STK32A: variants seen among roughly 807,000 people sequenced by gnomAD.
STK32A encodes serine/threonine-protein kinase 32A.
STK32A carries 41 observed loss-of-function variants against 53.2 expected under a neutral mutation model. The ratio of observed to expected loss-of-function variants is 0.77; its 90% CI spans 0.60 to 1.00. The LOEUF (loss-of-function observed/expected upper bound fraction) is 1.00, where lower values mean the gene tolerates loss of function less well. Ranked by LOEUF, STK32A falls within the 50% of genes least tolerant of loss-of-function variation. The pLI is 0.00. For missense variants in STK32A, 458 were observed against 485.8 expected, an observed-to-expected ratio of 0.94 and a Z score of 0.54; for synonymous variants, 166 against 162.8, an observed-to-expected ratio of 1.02 and a Z score of -0.15.
At position 147,306,692 on chromosome 5, in the gene STK32A, A is replaced by G. The variant is rs1195464912; in HGVS notation, c.261-17206A>G. Among the ~76,000 whole-genome samples the G allele has an allele frequency of 2.0e-5, 3 of 152,084 alleles. No individual in the cohort carries two copies. The East Asian group carries it at 5.8e-4, about 29-fold the overall frequency. ...CTTGCTTACATATAAAGGTATAATA[A>G]ATTTTAAATCTTCTGCTCAGATAAA... is the stretch of plus-strand genomic sequence containing the variant. On this transcript the variant is annotated intron_variant, in intron 4 of 12. Transcript: ENST00000397936.
chr5:147,286,424 A>C (rs1752342220), intron 4 of STK32A, among the ~76,000 whole-genome samples: 1 of 152,114 alleles, frequency 6.6e-6, no homozygotes, highest in African/African-American at 2.4e-5. Flanking sequence ...CTTATGGAAA[A>C]ATAATCCAGC....
At chr5:147,301,341 C>G (rs1240503689) in intron 4 of STK32A, among the ~76,000 whole-genome samples, 1 of 151,922 alleles carries the variant, frequency 6.6e-6, no homozygotes, top group African/African-American at 2.4e-5. Flanking sequence ...TGAAAGGTAG[C>G]TTTTCAGGGT....
chr5:147,353,720 A>T (rs1408610046), intron 7 of STK32A, among the ~76,000 whole-genome samples: 1 of 152,140 alleles, frequency 6.6e-6, no homozygotes, highest in East Asian at 1.9e-4. Flanking sequence ...AGACTGTGTC[A>T]CTGCACTCCA....
intron 1 of STK32A, among the ~76,000 whole-genome samples, chr5:147,235,681 A>G (rs1173320576): frequency 1.3e-5 from 2 of 152,218 alleles, no homozygotes; most frequent in African/African-American, 4.8e-5. Flanking sequence ...AGCAAGATGC[A>G]AAATATATCC....
At chr5:147,319,335 G>A (rs550824475) in intron 4 of STK32A, among the ~76,000 whole-genome samples, 1 of 151,698 alleles carries the variant, frequency 6.6e-6, no homozygotes, top group Admixed American at 6.6e-5. Context: ...GTAGAGACAG[G>A]GTTTCACCAT....
chr5:147,363,038 AT>A (rs1278904247), intron 8 of STK32A, among the ~76,000 whole-genome samples: 1 of 152,100 alleles, frequency 6.6e-6, no homozygotes, highest in African/African-American at 2.4e-5. Flanking sequence ...GTGAGCCAAG[AT>A]CATGCCACTG....
At chr5:147,376,002 T>C (rs72833312) in intron 11 of STK32A, 1 of 151,994 alleles carries the variant, frequency 6.6e-6, no homozygotes, top group Non-Finnish European at 1.5e-5. Context: ...GCTACTTTTT[T>C]TTAGTAGCTA....
intron 4 of STK32A, among the ~76,000 whole-genome samples, chr5:147,281,440 C>T (rs1316207267): frequency 6.6e-6 from 1 of 152,086 alleles, no homozygotes; most frequent in Non-Finnish European, 1.5e-5. Flanking sequence ...ACTTTAGACA[C>T]ACTTTAAAAA....
At chr5:147,347,673 GA>G (rs1358505678) in intron 6 of STK32A, among the ~76,000 whole-genome samples, 15 of 152,160 alleles carry the variant, frequency 9.9e-5, no homozygotes, top group Admixed American at 3.3e-4. Context: ...CTGGGCTAAT[GA>G]AAAAAGCCAG....
chr5:147,318,572 G>A (rs1017101639), intron 4 of STK32A, among the ~76,000 whole-genome samples: 3 of 150,406 alleles, frequency 2.0e-5, no homozygotes, highest in Non-Finnish European at 4.4e-5. Flanking sequence ...TGAGACCAGC[G>A]TGGACAACAT....
At chr5:147,330,882 T>C (rs1275865592) in intron 5 of STK32A, among the ~76,000 whole-genome samples, 1 of 152,218 alleles carries the variant, frequency 6.6e-6, no homozygotes, top group Non-Finnish European at 1.5e-5. Context: ...AATTCGGTTG[T>C]GGGTCAAAAT....
intron 4 of STK32A, among the ~76,000 whole-genome samples, chr5:147,306,845 T>A (rs1050300225): frequency 1.7e-4 from 26 of 152,128 alleles, no homozygotes; most frequent in African/African-American, 6.3e-4. Flanking sequence ...CGTTTATCAG[T>A]AGGGAAAGTG....
At chr5:147,396,059 C>G in the STK32A span, among the ~76,000 whole-genome samples, 1 of 152,112 alleles carries the variant, frequency 6.6e-6, no homozygotes, top group East Asian at 1.9e-4. Flanking sequence ...AAGAGAAGAG[C>G]AAGGGCAGAC....
chr5:147,306,180 TA>T (rs1450488366), intron 4 of STK32A, among the ~76,000 whole-genome samples: 8 of 152,028 alleles, frequency 5.3e-5, no homozygotes, highest in African/African-American at 1.9e-4. Flanking sequence ...CCTGTGGTTT[TA>T]ATTTGCATTT....
At chr5:147,375,507 A>G (rs888589267) in intron 11 of STK32A, 19 of 278,030 alleles carry the variant, frequency 6.8e-5, no homozygotes, top group South Asian at 3.1e-4. Flanking sequence ...TGGGAGAGGA[A>G]CTGTCATTGG....
At chr5:147,254,551 C>A (rs560973904) in intron 2 of STK32A, among the ~76,000 whole-genome samples, 1 of 152,052 alleles carries the variant, frequency 6.6e-6, no homozygotes, top group African/African-American at 2.4e-5. Context: ...AAGGGTGCAC[C>A]CTTACAGATA....
rs1757707238 is a variant in STK32A at position 147,387,637 on chromosome 5, T to C, written c.*3654T>C. 6.6e-6 allele frequency: 1 copy of C among 152,236 alleles called. No individual in the cohort carries two copies. The highest frequency in any genetic ancestry group is 2.1e-4 in the South Asian group (1 of 4,836). 9.4% of individuals were successfully genotyped at this position (152,236 alleles called of 1,614,324 possible). A position where few individuals can be genotyped will look rare whatever the true frequency, so the allele number is the denominator to read the frequency against. On this transcript the variant is annotated 3_prime_UTR_variant, in exon 13 of 13. Transcript: ENST00000397936. Reference sequence around the variant, plus strand: ...CTGTATTGTCTACATAAAATCCTGTTTCCTGCTATCTGTCTGTGATTCCTG... The same window carrying C: ...CTGTATTGTCTACATAAAATCCTGTCTCCTGCTATCTGTCTGTGATTCCTG...
Position 147,375,206 on chromosome 5 carries a change from C to A in STK32A, c.1020C>A (p.Cys340Ter), listed in dbSNP as rs547458736. The A allele has an allele frequency of 5.0e-6, 8 of 1,610,396 alleles. No homozygotes were observed. The African/African-American group carries it at 8.0e-5, about 16-fold the overall frequency. Residue 340 changes from cysteine (C) to a stop codon, truncating the protein, a stop_gained, in exon 11 of 13, where the codon TGC becomes TGA. Transcript: ENST00000397936. LOFTEE classifies it high-confidence loss of function. ...LAKKEKDMRKCDSSQTCLLQE... is the reference protein window; with the variant it reads ...LAKKEKDMRK ...AGAAGGAGAAGGATATGAGGAAATG[C>A]GATTCTTCTCAGGTAAGCAGGTCCC...
intron 4 of STK32A, among the ~76,000 whole-genome samples, chr5:147,300,247 T>G (rs1323523530): frequency 6.6e-6 from 1 of 152,164 alleles, no homozygotes; most frequent in Non-Finnish European, 1.5e-5. Flanking sequence ...AAACTGAGGC[T>G]CAAAGGAGCT....
Sources: gnomAD v4.1 joint callset for allele counts (sites outside exome capture counted in the v4.1 genomes callset) on GRCh38, gnomAD v4.1.1 for gene constraint, MANE v1.5 for transcripts, NCBI Gene and HGNC (gene_info 2026-07-23, HGNC 2026-07-21) for gene names.